The following PACRG variants were observed in gnomAD, a reference collection of about 807,000 sequenced individuals.
PACRG encodes the protein parkin coregulated.
Under a neutral mutation model 29.7 loss-of-function variants are expected in PACRG, and 29 were observed. The ratio of observed to expected loss-of-function variants is 0.98; its 90% CI spans 0.73 to 1.33. The LOEUF is 1.33. Among genes scored for constraint, PACRG ranks in the 40% most tolerant of loss-of-function variants. The pLI is 0.00. For missense variants in PACRG, 279 were observed against 316.2 expected (o/e 0.88, Z 0.89); for synonymous variants, 116 against 118.7 (o/e 0.98, Z 0.15).
intron 1 of PACRG, among the ~76,000 whole-genome samples, chr6:162,749,993 C>T (rs889275397): frequency 1.3e-5 from 2 of 152,108 alleles, no homozygotes; most frequent in African/African-American, 4.8e-5. Context: ...CATAATTTTT[C>T]CACTCATGTA....
At chr6:163,223,520 CAGA>C (rs1191064104) in intron 4 of PACRG, among the ~76,000 whole-genome samples, 2 of 152,254 alleles carry the variant, frequency 1.3e-5, no homozygotes, top group Admixed American at 1.3e-4. Flanking sequence ...AATGGGAAAG[CAGA>C]AGAAGGATGG....
chr6:163,143,796 A>T (rs1205658), intron 4 of PACRG, among the ~76,000 whole-genome samples: 54,845 of 147,802 alleles, frequency 0.37, 10,136 homozygotes, highest in East Asian at 0.58. Flanking sequence ...GCTGGGTCTC[A>T]TGGGTGGGTG....
At chr6:162,878,580 G>A (rs949864010) in intron 2 of PACRG, among the ~76,000 whole-genome samples, 2 of 152,096 alleles carry the variant, frequency 1.3e-5, no homozygotes, top group African/African-American at 4.8e-5. Flanking sequence ...GCCAACTAGA[G>A]CCACCTGATG....
intron 1 of PACRG, among the ~76,000 whole-genome samples, chr6:162,774,768 T>C (rs1054633362): frequency 1.3e-5 from 2 of 152,206 alleles, no homozygotes; most frequent in African/African-American, 4.8e-5. Context: ...TAGTGGGAAT[T>C]AATCACTCTT....
intron 2 of PACRG, among the ~76,000 whole-genome samples, chr6:162,819,551 G>A (rs942520514): frequency 6.6e-6 from 1 of 152,126 alleles, no homozygotes; most frequent in South Asian, 2.1e-4. Flanking sequence ...CAGTAACAAT[G>A]TTAGTAAAAA....
chr6:163,066,287 A>C (rs775874031), intron 3 of PACRG, among the ~76,000 whole-genome samples: 4 of 152,208 alleles, frequency 2.6e-5, no homozygotes, highest in Non-Finnish European at 5.9e-5. Context: ...ATGGGGAGAA[A>C]CATCTTGGGC....
chr6:163,058,520 C>G (rs1248504585), intron 2 of PACRG, among the ~76,000 whole-genome samples: 1 of 152,136 alleles, frequency 6.6e-6, no homozygotes, highest in African/African-American at 2.4e-5. Context: ...TGCCTGTAAT[C>G]CCATCACTTT....
chr6:162,758,004 ACTT>A (rs749731685), intron 1 of PACRG, among the ~76,000 whole-genome samples: 2 of 152,194 alleles, frequency 1.3e-5, no homozygotes, highest in African/African-American at 2.4e-5. Flanking sequence ...CTGAAAACTT[ACTT>A]TAATGGCAAT....
chr6:163,267,501 A>G (rs1388827821), intron 4 of PACRG, among the ~76,000 whole-genome samples: 2 of 152,274 alleles, frequency 1.3e-5, no homozygotes, highest in African/African-American at 4.8e-5. Flanking sequence ...AAAAAGCTAC[A>G]TTCAATTAAT....
chr6:163,071,961 C>A (rs1426861417), intron 3 of PACRG, among the ~76,000 whole-genome samples: 1 of 151,756 alleles, frequency 6.6e-6, no homozygotes. Context: ...CAAAGAAAAT[C>A]CCAGGACTCA....
At chr6:163,278,664 G>A (rs1224319711) in intron 4 of PACRG, among the ~76,000 whole-genome samples, 2 of 152,092 alleles carry the variant, frequency 1.3e-5, no homozygotes, top group Non-Finnish European at 2.9e-5. Flanking sequence ...CTTTATTTCT[G>A]GGTTCTCTAT....
intron 2 of PACRG, among the ~76,000 whole-genome samples, chr6:162,867,073 C>T (rs922731056): frequency 6.6e-6 from 1 of 152,114 alleles, no homozygotes; most frequent in Non-Finnish European, 1.5e-5. Context: ...AAAGACTGGG[C>T]AATAGGTCTC....
chr6:163,287,513 G>A (rs369416722), intron 4 of PACRG, among the ~76,000 whole-genome samples: 10 of 152,132 alleles, frequency 6.6e-5, no homozygotes, highest in East Asian at 5.8e-4. Context: ...CAGGATCTGG[G>A]TCACACCTGA....
intron 2 of PACRG, among the ~76,000 whole-genome samples, chr6:162,844,394 AG>A (rs36128005): frequency 2.6e-5 from 4 of 152,194 alleles, no homozygotes; most frequent in African/African-American, 7.2e-5. Flanking sequence ...CTGACTCCGA[AG>A]GGGAACTCCC....
intron 4 of PACRG, among the ~76,000 whole-genome samples, chr6:163,297,752 T>C (rs1268277063): frequency 6.6e-6 from 1 of 152,192 alleles, no homozygotes; most frequent in East Asian, 1.9e-4. Context: ...TTTGTAAACC[T>C]GAGCGCTGCA....
intron 4 of PACRG, among the ~76,000 whole-genome samples, chr6:163,137,007 T>C (rs1816963288): frequency 6.6e-6 from 1 of 152,242 alleles, no homozygotes; most frequent in Non-Finnish European, 1.5e-5. Context: ...GGAACTCCTA[T>C]TTACAGCCAT....
intron 2 of PACRG, among the ~76,000 whole-genome samples, chr6:162,968,979 G>A (rs1049273846): frequency 2.1e-5 from 3 of 144,816 alleles, no homozygotes; most frequent in Non-Finnish European, 3.0e-5. Context: ...CCCAGGAAGC[G>A]AAGGTTGCAG....
chr6:163,086,009 T>G (rs1008007863), intron 3 of PACRG, among the ~76,000 whole-genome samples: 14 of 152,240 alleles, frequency 9.2e-5, no homozygotes, highest in African/African-American at 3.4e-4. Flanking sequence ...GTTTAATTCC[T>G]GGCACATGGC....
At chr6:163,268,945 A>G (rs1585385417) in intron 4 of PACRG, among the ~76,000 whole-genome samples, 1 of 152,236 alleles carries the variant, frequency 6.6e-6, no homozygotes, top group Non-Finnish European at 1.5e-5. Flanking sequence ...TTCAAATTAC[A>G]TGCAACTTTC....
Sources: allele counts gnomAD v4.1 joint callset (sites outside exome capture counted in the v4.1 genomes callset), GRCh38; gene constraint gnomAD v4.1.1; transcripts MANE v1.5; gene names NCBI Gene and HGNC (gene_info 2026-07-23, HGNC 2026-07-21).